Variants in KLHL29 observed in about 807,000 individuals in gnomAD.
KLHL29 encodes the protein kelch-like protein 29.
Under a neutral mutation model 80.4 loss-of-function variants are expected in KLHL29, and 21 were observed. The ratio of observed to expected loss-of-function variants is 0.26; its 90% CI spans 0.19 to 0.38. The LOEUF is 0.38. Ranked by LOEUF, KLHL29 falls within the 10% of genes least tolerant of loss-of-function variation. The pLI is 1.00. For synonymous variants in KLHL29, 511 were observed against 526.8 expected (o/e 0.97, Z 0.41); for missense variants, 867 against 1,223.9 (o/e 0.71, Z 4.35).
At chr2:23,436,399 AC>A (rs1377462626) in intron 1 of KLHL29, among the ~76,000 whole-genome samples, 2 of 151,586 alleles carry the variant, frequency 1.3e-5, no homozygotes. Flanking sequence ...TTTGAGAGCC[AC>A]ATTTTTTTCT....
At chr2:23,421,791 TCTG>T (rs1662818499) in intron 1 of KLHL29, among the ~76,000 whole-genome samples, 1 of 151,518 alleles carries the variant, frequency 6.6e-6, no homozygotes, top group Non-Finnish European at 1.5e-5. Flanking sequence ...TGTTCATACA[TCTG>T]TGTGTGTGTC....
Position 23,684,127 on chromosome 2 carries a change from A to C in KLHL29, c.941-272A>C, listed in dbSNP as rs534557642. On this transcript the variant is annotated intron_variant, in intron 5 of 13. Coordinates refer to ENST00000486442, the MANE Select transcript of KLHL29 (RefSeq NM_052920.2). The surrounding 1 kb of genome is among the most constrained non-coding windows in gnomAD (Gnocchi z 4.4). The stretch of plus-strand genomic sequence containing the variant: ...TGGGAATCTCTCCCCCAACCTTTCA[A>C]TTTCTGGGTTTGATTTTTTGTATCA... Among the ~76,000 whole-genome samples the C allele has an allele frequency of 4.4e-4, 66 of 151,540 alleles. No homozygotes were observed. The highest frequency in any genetic ancestry group is 1.6e-3 in the African/African-American group (64 of 41,270).
intron 2 of KLHL29, among the ~76,000 whole-genome samples, chr2:23,487,622 C>T (rs374917605): frequency 5.3e-5 from 8 of 151,968 alleles, no homozygotes; most frequent in African/African-American, 1.9e-4. Context: ...GACTTGCCCC[C>T]AGTGCCCAAG....
chr2:23,551,277 A>G (rs1223723857), intron 2 of KLHL29, among the ~76,000 whole-genome samples: 1 of 152,226 alleles, frequency 6.6e-6, no homozygotes, highest in Non-Finnish European at 1.5e-5. Context: ...GATTTACACC[A>G]GGAGCAATAG....
intron 1 of KLHL29, among the ~76,000 whole-genome samples, chr2:23,467,914 C>A (rs1664396010): frequency 6.6e-6 from 1 of 151,738 alleles, no homozygotes; most frequent in Non-Finnish European, 1.5e-5. Context: ...TCATTTGTGC[C>A]CTCCGTGCCC....
At chr2:23,462,195 A>G (rs1216676645) in intron 1 of KLHL29, among the ~76,000 whole-genome samples, 1 of 152,052 alleles carries the variant, frequency 6.6e-6, no homozygotes, top group African/African-American at 2.4e-5. Flanking sequence ...ACACATTTTT[A>G]TATGTATGTA....
chr2:23,465,957 C>T (rs893856206), intron 1 of KLHL29, among the ~76,000 whole-genome samples: 4 of 151,980 alleles, frequency 2.6e-5, no homozygotes, highest in Admixed American at 6.5e-5. Context: ...GCCACCTTCC[C>T]GCTGACTTTC....
intron 5 of KLHL29, among the ~76,000 whole-genome samples, chr2:23,659,032 T>C (rs1191405084): frequency 1.3e-5 from 2 of 152,244 alleles, no homozygotes; most frequent in Non-Finnish European, 2.9e-5. Flanking sequence ...TTTTCATGTC[T>C]GTCTCCCCCA....
chr2:23,652,749 T>C (rs1670119822), intron 5 of KLHL29, among the ~76,000 whole-genome samples: 1 of 152,220 alleles, frequency 6.6e-6, no homozygotes, highest in Non-Finnish European at 1.5e-5. Context: ...CGCAGAGATA[T>C]ATGAATATAC....
At chr2:23,650,113 G>A (rs893852977) in intron 5 of KLHL29, among the ~76,000 whole-genome samples, 3 of 152,256 alleles carry the variant, frequency 2.0e-5, no homozygotes, top group African/African-American at 7.2e-5. Context: ...CATGAGGCCT[G>A]TGGCCATGTC....
chr2:23,634,652 G>A (rs556105173), intron 3 of KLHL29, among the ~76,000 whole-genome samples: 2 of 152,226 alleles, frequency 1.3e-5, no homozygotes, highest in South Asian at 4.2e-4. Context: ...ATCCGGAGGG[G>A]CTAATGAGTT....
intron 2 of KLHL29, among the ~76,000 whole-genome samples, chr2:23,556,774 C>T (rs1267892570): frequency 6.6e-6 from 1 of 152,234 alleles, no homozygotes; most frequent in Non-Finnish European, 1.5e-5. Flanking sequence ...CATAAAATAC[C>T]TGTGAGGCCT....
At chr2:23,643,295 C>T in intron 5 of KLHL29, 1 of 317,102 alleles carries the variant, frequency 3.2e-6, no homozygotes, top group Non-Finnish European at 6.2e-6. Flanking sequence ...GTGTCCTTCC[C>T]AGGGAAGGCA....
At chr2:23,570,022 T>G (rs1368139489) in intron 3 of KLHL29, among the ~76,000 whole-genome samples, 1 of 152,208 alleles carries the variant, frequency 6.6e-6, no homozygotes, top group African/African-American at 2.4e-5. Flanking sequence ...AAAGGAAGGT[T>G]TAGGAGAATT....
chr2:23,552,189 C>T (rs1479007049), intron 2 of KLHL29, among the ~76,000 whole-genome samples: 2 of 152,204 alleles, frequency 1.3e-5, no homozygotes, highest in African/African-American at 2.4e-5. Flanking sequence ...ACTGAAACTT[C>T]GTGTCTTGAG....
chr2:23,435,896 TCTC>T (rs1452986028), intron 1 of KLHL29, among the ~76,000 whole-genome samples: 1 of 147,450 alleles, frequency 6.8e-6, no homozygotes. Context: ...TCTCTCTCTC[TCTC>T]TTTTTTTTTT....
chr2:23,429,719 A>G (rs1558335148), intron 1 of KLHL29, among the ~76,000 whole-genome samples: 2 of 151,760 alleles, frequency 1.3e-5, no homozygotes, highest in Admixed American at 1.3e-4. Flanking sequence ...GTGCCACTGT[A>G]CTCCAGCCTG....
chr2:23,582,031 CT>C (rs1265033731), intron 3 of KLHL29, among the ~76,000 whole-genome samples: 3 of 152,132 alleles, frequency 2.0e-5, no homozygotes, highest in African/African-American at 7.2e-5. Flanking sequence ...GCTGCTCCAG[CT>C]TTGTGGCCTC....
At chr2:23,599,101 G>A (rs1668503006) in intron 3 of KLHL29, among the ~76,000 whole-genome samples, 1 of 152,238 alleles carries the variant, frequency 6.6e-6, no homozygotes, top group South Asian at 2.1e-4. Context: ...AAGAGAAATA[G>A]AGAATGGTAG....
Sources: gnomAD v4.1 joint callset for allele counts (sites outside exome capture counted in the v4.1 genomes callset) on GRCh38, gnomAD v4.1.1 for gene constraint, Gnocchi (gnomAD v3.1) non-coding constraint, MANE v1.5 for transcripts, NCBI Gene and HGNC (gene_info 2026-07-23, HGNC 2026-07-21) for gene names.